Variants in VPS37A observed in about 807,000 individuals in gnomAD.
VPS37A encodes VPS37A subunit of ESCRT-I.
In VPS37A, 30 loss-of-function variants were observed where a neutral mutation model predicts 49.8. That is an observed-to-expected ratio of 0.60 (90% CI 0.45 to 0.82). The LOEUF is 0.82. VPS37A is among the 40% of genes least tolerant of loss of function. The pLI is 0.00. For missense variants in VPS37A, 593 were observed against 464.4 expected, an observed-to-expected ratio of 1.28 and a Z score of -2.55; for synonymous variants, 195 against 160.6, an observed-to-expected ratio of 1.21 and a Z score of -1.62.
At chr8:17,248,860 A>G (rs907928540) in intron 1 of VPS37A, among the ~76,000 whole-genome samples, 3 of 152,176 alleles carry the variant, frequency 2.0e-5, no homozygotes, top group Non-Finnish European at 4.4e-5. Flanking sequence ...GGTGGCTTTC[A>G]TTCTGGAAAA....
At chr8:17,301,309 G>A (rs946773769), downstream of VPS37A, among the ~76,000 whole-genome samples, 1 of 152,178 alleles carries the variant, frequency 6.6e-6, no homozygotes, top group African/African-American at 2.4e-5. Flanking sequence ...AGGTTAGAAG[G>A]AAAAGAACAG....
chr8:17,302,091 A>G, downstream of VPS37A: 1 of 1,596,870 alleles, frequency 6.3e-7, no homozygotes, highest in Non-Finnish European at 8.6e-7. Flanking sequence ...AGAGGCTTTC[A>G]TGAAGCCTTG....
rs547987328 is a variant in VPS37A, at chr8:17,272,330, C to G, written c.417-2403C>G. 1.6e-4 allele frequency among the ~76,000 whole-genome samples: 24 copies of G among 152,200 alleles called. No homozygotes were observed. The South Asian group carries it at 5.0e-3, about 32-fold the overall frequency. On this transcript the variant is annotated intron_variant, in intron 4 of 11. Coordinates refer to ENST00000324849, the MANE Select transcript of VPS37A (RefSeq NM_152415.3). ...CACTTCCAGGTACTTCAGCCCTCTCCCCCTCATCTTTTTCTTCCTGTTTTC... is the reference window on the plus strand; with the variant it reads ...CACTTCCAGGTACTTCAGCCCTCTCGCCCTCATCTTTTTCTTCCTGTTTTC...
intron 1 of VPS37A, among the ~76,000 whole-genome samples, chr8:17,249,728 A>G (rs1811795993): frequency 6.6e-6 from 1 of 152,228 alleles, no homozygotes; most frequent in Non-Finnish European, 1.5e-5. Context: ...ATTTTTTCTC[A>G]TCAGTCATAA....
intron 1 of VPS37A, among the ~76,000 whole-genome samples, chr8:17,262,911 A>G (rs1261160257): frequency 6.6e-6 from 1 of 151,966 alleles, no homozygotes; most frequent in African/African-American, 2.4e-5. Context: ...AAATACAAAA[A>G]TTAGCTGGGT....
the VPS37A span, chr8:17,309,146 A>C: frequency 1.5e-6 from 1 of 654,480 alleles, no homozygotes; most frequent in Non-Finnish European, 2.7e-6. Flanking sequence ...CATATACAAC[A>C]AAATTTAAGC....
chr8:17,320,391 G>T, the VPS37A span, among the ~76,000 whole-genome samples: 17,034 of 152,098 alleles, frequency 0.11, 1,605 homozygotes, highest in South Asian at 0.43. Context: ...GACGGAGGGT[G>T]TGGTAAAGGG....
In VPS37A at chr8:17,294,986, G is replaced by T. The variant is rs966873059; in HGVS notation, c.*1-1G>T. On this transcript the variant is annotated splice_acceptor_variant, in intron 11 of 11. Coordinates refer to ENST00000324849, the MANE Select transcript of VPS37A (RefSeq NM_152415.3). LOFTEE classifies it low-confidence loss of function (3UTR_SPLICE). Reference sequence around the variant, plus strand: ...GGTATTTTTTATTGTTTTCTTTCTAGATTTTCCTGGAAACATGAACTGCCA... The same window carrying T: ...GGTATTTTTTATTGTTTTCTTTCTATATTTTCCTGGAAACATGAACTGCCA... The T allele has an allele frequency of 3.3e-5, 5 of 152,560 alleles. No individual in the cohort carries two copies. The highest frequency in any genetic ancestry group is 1.2e-4 in the African/African-American group (5 of 41,448). 9.5% of individuals were successfully genotyped at this position (152,560 alleles called of 1,614,324 possible).
chr8:17,320,000 T>A, the VPS37A span, among the ~76,000 whole-genome samples: 5 of 152,134 alleles, frequency 3.3e-5, no homozygotes, highest in Non-Finnish European at 7.4e-5. Context: ...AAAATATGAA[T>A]CAAATTTTAA....
At chr8:17,286,676 G>A in intron 11 of VPS37A, 1 of 395,242 alleles carries the variant, frequency 2.5e-6, no homozygotes, top group Non-Finnish European at 4.5e-6. Flanking sequence ...TGCTAATGTA[G>A]AATTGTAAGT....
chr8:17,309,288 C>T, the VPS37A span: 1 of 1,551,276 alleles, frequency 6.4e-7, no homozygotes, highest in East Asian at 2.2e-5. Context: ...GGTGATTAAA[C>T]TTATGACCAA....
At chr8:17,321,016 G>C in the VPS37A span, among the ~76,000 whole-genome samples, 1 of 151,874 alleles carries the variant, frequency 6.6e-6, no homozygotes, top group African/African-American at 2.4e-5. Flanking sequence ...TTACTGAACA[G>C]GCCAAACTTT....
At chr8:17,322,404 T>A in the VPS37A span, among the ~76,000 whole-genome samples, 1 of 152,252 alleles carries the variant, frequency 6.6e-6, no homozygotes. Flanking sequence ...TATATGAATG[T>A]GAATTTTTGT....
intron 9 of VPS37A, among the ~76,000 whole-genome samples, chr8:17,284,030 C>G (rs1272753107): frequency 6.6e-6 from 1 of 152,106 alleles, no homozygotes; most frequent in Non-Finnish European, 1.5e-5. Context: ...GTTTATCAGT[C>G]TTTCACTGCT....
intron 9 of VPS37A, among the ~76,000 whole-genome samples, chr8:17,284,188 A>G (rs897205461): frequency 2.6e-5 from 4 of 152,218 alleles, no homozygotes; most frequent in Non-Finnish European, 4.4e-5. Context: ...TATATCTACC[A>G]CAGTGATTTA....
At chr8:17,300,319 G>T (rs190962152), downstream of VPS37A, 36 of 1,309,242 alleles carry the variant, frequency 2.7e-5, no homozygotes, top group East Asian at 6.9e-4. Context: ...TCCCACGTGG[G>T]TATAATGTTA....
intron 1 of VPS37A, among the ~76,000 whole-genome samples, chr8:17,258,098 A>C (rs185091616): frequency 6.6e-5 from 10 of 152,214 alleles, no homozygotes; most frequent in Admixed American, 2.0e-4. Context: ...TCCGCGAACA[A>C]GGCTAATTTA....
At chr8:17,319,798 C>T in the VPS37A span, among the ~76,000 whole-genome samples, 7 of 152,282 alleles carry the variant, frequency 4.6e-5, no homozygotes, top group Middle Eastern at 6.8e-3. Flanking sequence ...ATTAATGCCT[C>T]TCAACCTCAG....
At chr8:17,306,300 T>C (rs1439121678), downstream of VPS37A, among the ~76,000 whole-genome samples, 4 of 152,278 alleles carry the variant, frequency 2.6e-5, no homozygotes, top group Middle Eastern at 3.4e-3. Context: ...TTGCACTTTA[T>C]GAGCGGGTGA....
Sources: allele counts gnomAD v4.1 joint callset (sites outside exome capture counted in the v4.1 genomes callset), GRCh38; gene constraint gnomAD v4.1.1; transcripts MANE v1.5; gene names NCBI Gene and HGNC (gene_info 2026-07-23, HGNC 2026-07-21).